UNC50: variants seen among roughly 807,000 people sequenced by gnomAD.
UNC50 encodes protein unc-50 homolog.
Under a neutral mutation model 31.5 loss-of-function variants are expected in UNC50, and 24 were observed. The ratio of observed to expected loss-of-function variants is 0.76; its 90% CI spans 0.55 to 1.07. The LOEUF is 1.07. Among genes scored for constraint, UNC50 ranks in the 50% least tolerant of loss-of-function variants. The pLI is 0.00. For missense variants in UNC50, 245 were observed against 304.2 expected, an observed-to-expected ratio of 0.81 and a Z score of 1.45; for synonymous variants, 118 against 114.7, an observed-to-expected ratio of 1.03 and a Z score of -0.18.
chr2:98,609,490 T>G (rs569376159), intron 1 of UNC50: 1 of 540,514 alleles, frequency 1.9e-6, no homozygotes, highest in East Asian at 3.2e-5. Flanking sequence ...CATCCCTGTC[T>G]CTGTAATGGT....
chr2:98,612,432 C>T (rs1389593017), intron 3 of UNC50, among the ~76,000 whole-genome samples: 3 of 149,502 alleles, frequency 2.0e-5, no homozygotes, highest in African/African-American at 4.9e-5. Flanking sequence ...TTCTTTGAGA[C>T]GAAGTCCCAC....
Position 98,610,854 on chromosome 2 carries a change from A to G in UNC50, c.360A>G (p.Ile120Met), listed in dbSNP as rs750243321. Residue 120 changes from isoleucine (I) to methionine (M), a missense_variant, in exon 3 of 6, where the codon ATA (isoleucine) becomes ATG (methionine). Coordinates refer to ENST00000357765, the MANE Select transcript of UNC50 (RefSeq NM_014044.7). ...TIKLLLWVVL[I>M]DCVGVGLLIA... ...AGCTTCTCCTTTGGGTTGTACTCAT[A>G]GATTGTGTAGGCGTTGGTCTTCTGA... 25 of 1,614,064 alleles carry G rather than the reference A, an allele frequency of 1.5e-5. No individual in the cohort carries two copies. The highest frequency in any genetic ancestry group is 2.0e-5 in the Non-Finnish European group (24 of 1,180,022).
Position 98,616,109 on chromosome 2 carries a change from A to T in UNC50, c.402-98A>T, listed in dbSNP as rs555721600. ...ATTTTTGTCTGTTTTGTTTACTGGT[A>T]TATCTCCAGAATTTAGAATGTCTGC... On this transcript the variant is annotated intron_variant, in intron 3 of 5. Coordinates refer to ENST00000357765, the MANE Select transcript of UNC50 (RefSeq NM_014044.7). 2.6e-5 allele frequency: 33 copies of T among 1,246,870 alleles called. No homozygotes were observed. The African/African-American group carries it at 4.7e-4, about 18-fold the overall frequency. 77.2% of individuals were successfully genotyped at this position (1,246,870 alleles called of 1,614,324 possible). A position where few individuals can be genotyped will look rare whatever the true frequency, so the allele number is the denominator to read the frequency against.
intron 3 of UNC50, among the ~76,000 whole-genome samples, chr2:98,615,205 C>A (rs963378037): frequency 6.6e-6 from 1 of 152,190 alleles, no homozygotes; most frequent in Non-Finnish European, 1.5e-5. Context: ...TGGGCCTGTT[C>A]ATTATCCACA....
At chr2:98,616,377 A>G in intron 4 of UNC50, 31 bp downstream of exon 4, 1 of 1,613,882 alleles carries the variant, frequency 6.2e-7, no homozygotes, top group Non-Finnish European at 8.5e-7. Flanking sequence ...GTATTATCCA[A>G]GTCTTCATTG....
At chr2:98,618,072 C>A in intron 5 of UNC50, 96 bp from the exon 6 acceptor site, 1 of 1,274,976 alleles carries the variant, frequency 7.8e-7, no homozygotes, top group Non-Finnish European at 1.0e-6. Flanking sequence ...TCCCTTCCAC[C>A]CCACATGTTG....
chr2:98,610,465 G>A (rs1389640518), intron 2 of UNC50, among the ~76,000 whole-genome samples: 1 of 152,164 alleles, frequency 6.6e-6, no homozygotes, highest in Non-Finnish European at 1.5e-5. Context: ...TGTTGAAGTG[G>A]GTAAGATATT....
intron 3 of UNC50, among the ~76,000 whole-genome samples, chr2:98,611,559 C>T (rs1700830192): frequency 6.6e-6 from 1 of 152,060 alleles, no homozygotes; most frequent in African/African-American, 2.4e-5. Flanking sequence ...ACTTTCTGTC[C>T]CACACCTGTA....
chr2:98,608,688 C>T lies in UNC50; in HGVS notation c.-43C>T, dbSNP rs1288878646. 2 of 500,466 alleles carry T rather than the reference C, an allele frequency of 4.0e-6. No individual in the cohort carries two copies. The highest frequency in any genetic ancestry group is 2.0e-5 in the African/African-American group (1 of 49,952). The allele number at this position is 500,466 out of a possible 1,614,324, so 31.0% of individuals were successfully genotyped here. A position where few individuals can be genotyped will look rare whatever the true frequency, so the allele number is the denominator to read the frequency against. On this transcript the variant is annotated 5_prime_UTR_variant, in exon 1 of 6. Coordinates refer to ENST00000357765, the MANE Select transcript of UNC50 (RefSeq NM_014044.7). The stretch of plus-strand genomic sequence containing the variant: ...TCGGCTGCTGGGAGGAGGTGGTGGG[C>T]TGGTTCGGACGTGGGTCGAGGCTGT...
Position 98,616,439 on chromosome 2 carries a change from C to A in UNC50, c.549C>A (p.Ile183=). Residue 183 remains isoleucine (I), a synonymous_variant, in exon 5 of 6, where the codon ATC becomes ATA. Transcript: ENST00000357765. ...CTGCGTCTCTTCTGGCAGATGTTATCCTGACAGACACATTTATTGGATATT... is the reference window on the plus strand; with the variant it reads ...CTGCGTCTCTTCTGGCAGATGTTATACTGACAGACACATTTATTGGATATT... ...FIQLFFINHV[I]LTDTFIGYLV... 6.2e-7 allele frequency: 1 copy of A among 1,613,958 alleles called. No individual in the cohort carries two copies.
rs1006820387 is a variant in UNC50 at position 98,612,874 on chromosome 2, A to G, written c.401+1979A>G. 1.9e-4 allele frequency among the ~76,000 whole-genome samples: 29 copies of G among 152,254 alleles called. 1 individual carries two copies. Among genetic ancestry groups the G allele is most frequent in the Admixed American group, 4.6e-4 (7 of 15,288 alleles). On this transcript the variant is annotated intron_variant, in intron 3 of 5. Transcript: ENST00000357765. ...AGTCTTTTAAGTGTACAATAGCACTATGGCTCTAAAAAACAATGTACAGAC... is the reference window on the plus strand; with the variant it reads ...AGTCTTTTAAGTGTACAATAGCACTGTGGCTCTAAAAAACAATGTACAGAC...
rs2104186951 is a variant in UNC50, at chr2:98,616,320, A to G, written c.515A>G (p.His172Arg). The G allele has an allele frequency of 3.1e-6, 5 of 1,614,000 alleles. No individual in the cohort carries two copies. The highest frequency in any genetic ancestry group is 1.1e-5 in the South Asian group (1 of 91,072). ...NAFYPLLVIL[H>R]FIQLFFINHV... ...TTTTATCCACTCCTGGTCATTTTGC[A>G]TTTTATCCAGCTTTTTTTCATCAAC... The change falls in exon 4 of 6, where the codon CAT becomes CGT. Residue 172 changes from histidine (H) to arginine (R), a missense_variant. His to Arg is a conservative substitution (Grantham distance 29). Coordinates refer to ENST00000357765, the MANE Select transcript of UNC50 (RefSeq NM_014044.7).
chr2:98,616,504 A>G lies in UNC50; in HGVS notation c.614A>G (p.Tyr205Cys), dbSNP rs1177799092. ...TTATGGTTGGTTGCAGTTGGCTATT[A>G]TATCTATGTAACTTTCCTGGGATAC... The part of the protein sequence containing the change: ...NTLWLVAVGY[Y>C]IYVTFLGYSA... The change falls in exon 5 of 6, where the codon TAT (tyrosine) becomes TGT (cysteine). Residue 205 changes from tyrosine to cysteine, a missense_variant. By Grantham distance (194) the Tyr-to-Cys change is radical. Transcript: ENST00000357765. The G allele has an allele frequency of 1.2e-6, 2 of 1,613,864 alleles. No individual in the cohort carries two copies. The highest frequency in any genetic ancestry group is 1.1e-5 in the South Asian group (1 of 91,076).
At chr2:98,613,301 A>G (rs1357117267) in intron 3 of UNC50, among the ~76,000 whole-genome samples, 1 of 152,268 alleles carries the variant, frequency 6.6e-6, no homozygotes, top group Non-Finnish European at 1.5e-5. Context: ...AGTTTCATTC[A>G]TAACAAGCAT....
At chr2:98,615,425 C>T (rs1485685441) in intron 3 of UNC50, among the ~76,000 whole-genome samples, 1 of 152,216 alleles carries the variant, frequency 6.6e-6, no homozygotes, top group Non-Finnish European at 1.5e-5. Context: ...CCACTCTTCC[C>T]ACAGCCAGCC....
chr2:98,618,279 CTTTCTA>C lies in UNC50; in HGVS notation c.757_762del (p.Phe253_Tyr254del), dbSNP rs892959923. ...TGGAACTTCACCCATACTCTCTGTT[CTTTCTA>C]TAAGTACAGAGTGAAATAAAAAGTG... is the stretch of plus-strand genomic sequence containing the variant. On this transcript the variant is annotated inframe_deletion, in exon 6 of 6. Coordinates refer to ENST00000357765, the MANE Select transcript of UNC50 (RefSeq NM_014044.7). 1.2e-6 allele frequency: 2 copies of C among 1,608,434 alleles called. No homozygotes were observed. The highest frequency in any genetic ancestry group is 1.3e-5 in the African/African-American group (1 of 74,434).
chr2:98,610,170 A>G, intron 2 of UNC50, 131 bp downstream of exon 2: 2 of 1,009,392 alleles, frequency 2.0e-6, no homozygotes, highest in Non-Finnish European at 2.9e-6. Context: ...GCCTCAAAAA[A>G]TCTCACAGGA....
rs1370944575 is a variant in UNC50, at chr2:98,618,489, T to C, written c.*185T>C. 3 of 450,374 alleles carry C rather than the reference T, an allele frequency of 6.7e-6. No homozygotes were observed. The highest frequency in any genetic ancestry group is 1.1e-5 in the Non-Finnish European group (3 of 277,978). The allele number at this position is 450,374 out of a possible 1,614,324, so 27.9% of individuals were successfully genotyped here. On this transcript the variant is annotated 3_prime_UTR_variant, in exon 6 of 6. Coordinates refer to ENST00000357765, the MANE Select transcript of UNC50 (RefSeq NM_014044.7). ...CCTTAAAACTAATTAAATGTACATT[T>C]CTATAATAAATATTTTTTAAACTAA...
intron 3 of UNC50, among the ~76,000 whole-genome samples, chr2:98,614,060 A>G (rs1700881012): frequency 6.6e-6 from 1 of 152,136 alleles, no homozygotes; most frequent in South Asian, 2.1e-4. Context: ...AAAAAATTGG[A>G]CTTTATCTCA....
Sources: gnomAD v4.1 joint callset for allele counts (sites outside exome capture counted in the v4.1 genomes callset) on GRCh38, gnomAD v4.1.1 for gene constraint, MANE v1.5 for transcripts, NCBI Gene and HGNC (gene_info 2026-07-23, HGNC 2026-07-21) for gene names.